Variants in NHSL2 observed in about 807,000 individuals in gnomAD.
NHSL2 encodes the protein NHS-like protein 2.
A neutral mutation model predicts 53.4 loss-of-function variants in NHSL2; 27 were observed. The observed-to-expected ratio is 0.51, with a 90% CI of 0.37 to 0.70. NHSL2 has a LOEUF of 0.70. NHSL2 is among the 30% of genes least tolerant of loss of function. The pLI, the probability that NHSL2 is intolerant of heterozygous loss-of-function variation, is 0.00. For synonymous variants in NHSL2, 408 were observed against 404.1 expected (o/e 1.01, Z -0.12); for missense variants, 892 against 980.1 (o/e 0.91, Z 1.20).
intron 1 of NHSL2, among the ~76,000 whole-genome samples, chrX:71,995,389 T>G (rs1236600756): frequency 9.4e-6 from 1 of 106,661 alleles, no homozygotes; most frequent in Non-Finnish European, 2.0e-5. Context: ...CTATTTCAGA[T>G]GAAAAGCCAA....
At chrX:72,011,806 GTTC>G (rs910859173) in intron 1 of NHSL2, among the ~76,000 whole-genome samples, 2 of 111,996 alleles carry the variant, frequency 1.8e-5, no homozygotes, top group Non-Finnish European at 3.8e-5. Flanking sequence ...CCTTTTAGCC[GTTC>G]TTCTCTAGGT....
At chrX:71,951,733 G>C (rs1277943546) in intron 1 of NHSL2, among the ~76,000 whole-genome samples, 1 of 111,986 alleles carries the variant, frequency 8.9e-6, no homozygotes, top group Non-Finnish European at 1.9e-5. Context: ...TGTTTTATAG[G>C]TTAGAATGAC....
At chrX:71,974,856 C>T (rs1434766572) in intron 1 of NHSL2, among the ~76,000 whole-genome samples, 1 of 112,169 alleles carries the variant, frequency 8.9e-6, no homozygotes, top group Non-Finnish European at 1.9e-5. Context: ...CGCTGTGCCA[C>T]TGGGACAGAT....
intron 1 of NHSL2, among the ~76,000 whole-genome samples, chrX:71,966,356 G>A (rs759910815): frequency 2.7e-5 from 3 of 111,943 alleles, no homozygotes; most frequent in Non-Finnish European, 5.7e-5. Flanking sequence ...AGTGGTGAGA[G>A]GGGACATCCT....
intron 1 of NHSL2, among the ~76,000 whole-genome samples, chrX:71,991,818 T>TC (rs778925898): frequency 1.0e-5 from 1 of 99,858 alleles, no homozygotes; most frequent in African/African-American, 3.9e-5. Context: ...GTCTTTCTCT[T>TC]TCTCTCTCTC....
intron 1 of NHSL2, among the ~76,000 whole-genome samples, chrX:72,113,692 C>G (rs2147480649): frequency 8.9e-6 from 1 of 112,537 alleles, no homozygotes; most frequent in African/African-American, 3.2e-5. Context: ...GCACAGACAT[C>G]AACAGGCTGG....
At chrX:71,980,637 G>A (rs1241024668) in intron 1 of NHSL2, among the ~76,000 whole-genome samples, 1 of 108,316 alleles carries the variant, frequency 9.2e-6, no homozygotes, top group Non-Finnish European at 1.9e-5. Flanking sequence ...ATAAGGATAA[G>A]TTGAAAGAGT....
intron 1 of NHSL2, among the ~76,000 whole-genome samples, chrX:71,948,726 A>G (rs1381930044): frequency 9.2e-6 from 1 of 108,923 alleles, no homozygotes; most frequent in Non-Finnish European, 1.9e-5. Flanking sequence ...GCTACTCGGG[A>G]GGCTGAGGCA....
Position 71,946,948 on chromosome X carries a change from G to C in NHSL2, c.280+35581G>C, listed in dbSNP as rs1297901417. ...CCATGGAGACTACACATGTGATAAA[G>C]GGCCCAGCACAGGGCCTGGTTCACC... On this transcript the variant is annotated intron_variant, in intron 1 of 7. Transcript: ENST00000633930. 4.5e-5 allele frequency among the ~76,000 whole-genome samples: 5 copies of C among 112,249 alleles called. No homozygotes were observed. In the Admixed American group the frequency reaches 4.7e-4, roughly 11 times the overall value.
intron 1 of NHSL2, among the ~76,000 whole-genome samples, chrX:71,989,297 C>T (rs372654815): frequency 1.1e-5 from 1 of 89,772 alleles, no homozygotes; most frequent in Non-Finnish European, 2.0e-5. Context: ...TGCAGTAAGT[C>T]GAGATCGCTC....
At chrX:72,091,637 G>A (rs918492631) in intron 1 of NHSL2, among the ~76,000 whole-genome samples, 1 of 110,864 alleles carries the variant, frequency 9.0e-6, no homozygotes, top group South Asian at 3.8e-4. Context: ...AGGTGGTGGG[G>A]GTGGGAGTGT....
intron 1 of NHSL2, among the ~76,000 whole-genome samples, chrX:72,086,373 G>A (rs1410127511): frequency 6.3e-5 from 7 of 111,920 alleles, no homozygotes; most frequent in African/African-American, 1.3e-4. Flanking sequence ...CGCAGGGGTC[G>A]GCTTTCTGCT....
intron 1 of NHSL2, among the ~76,000 whole-genome samples, chrX:71,995,511 G>A (rs1050450305): frequency 1.8e-5 from 2 of 111,677 alleles, no homozygotes; most frequent in Admixed American, 1.9e-4. Context: ...AGCCACACTG[G>A]CCTCCTCACT....
chrX:72,030,022 G>A (rs2042206440), intron 1 of NHSL2, among the ~76,000 whole-genome samples: 2 of 112,261 alleles, frequency 1.8e-5, no homozygotes, highest in Admixed American at 1.9e-4. Flanking sequence ...GTAATTTCAG[G>A]AAAGGAATCC....
At chrX:71,964,001 A>AGTGTG (rs1569467070) in intron 1 of NHSL2, among the ~76,000 whole-genome samples, 312 of 7,764 alleles carry the variant, frequency 0.04, 6 homozygotes, top group African/African-American at 0.084. Flanking sequence ...ATGTATATAC[A>AGTGTG]TATATATATG....
intron 1 of NHSL2, among the ~76,000 whole-genome samples, chrX:71,959,256 G>A (rs528910011): frequency 8.9e-5 from 10 of 111,936 alleles, no homozygotes; most frequent in Non-Finnish European, 1.7e-4. Context: ...ACAGCCTGTC[G>A]GCTCTGTTCA....
At position 72,140,027 on chromosome X, in the gene NHSL2, G is replaced by T; in HGVS notation, c.2479G>T (p.Asp827Tyr). Residue 827 changes from aspartate to tyrosine, a missense_variant, in exon 6 of 8, where the codon GAC becomes TAC. Asp to Tyr is a radical substitution (Grantham distance 160). Transcript: ENST00000633930. ...QPIMPMVTQSDLRSVRLRSVS... is the reference protein window; with the variant it reads ...QPIMPMVTQSYLRSVRLRSVS... Reference sequence around the variant, plus strand: ...AATCATGCCTATGGTTACTCAGTCCGACCTACGTTCTGTTCGCCTGAGGTC... The same window carrying T: ...AATCATGCCTATGGTTACTCAGTCCTACCTACGTTCTGTTCGCCTGAGGTC... 1 of 1,210,088 alleles carries T rather than the reference G, an allele frequency of 8.3e-7. No individual in the cohort carries two copies. Among genetic ancestry groups the T allele is most frequent in the South Asian group, 1.8e-5 (1 of 56,579 alleles).
rs199994048 is a variant in NHSL2, at chrX:72,053,871, C to A, written c.281-78208C>A. 4.5e-5 allele frequency among the ~76,000 whole-genome samples: 5 copies of A among 111,979 alleles called. No individual in the cohort carries two copies. The East Asian group carries it at 1.4e-3, about 31-fold the overall frequency. Reference sequence around the variant, plus strand: ...GCAATGTTTGTGGAAGAAATTAATACTCCTACCATCTACAGCAACACAGAA... The same window carrying A: ...GCAATGTTTGTGGAAGAAATTAATAATCCTACCATCTACAGCAACACAGAA... On this transcript the variant is annotated intron_variant, in intron 1 of 7. Transcript: ENST00000633930.
intron 1 of NHSL2, among the ~76,000 whole-genome samples, chrX:72,114,036 G>A (rs2042115302): frequency 8.9e-6 from 1 of 112,183 alleles, no homozygotes; most frequent in Non-Finnish European, 1.9e-5. Flanking sequence ...TTGTGGTAAC[G>A]AGAGAGAGTT....
Sources: allele counts gnomAD v4.1 joint callset (sites outside exome capture counted in the v4.1 genomes callset), GRCh38; gene constraint gnomAD v4.1.1; transcripts MANE v1.5; gene names NCBI Gene and HGNC (gene_info 2026-07-23, HGNC 2026-07-21).